Variants in EPCAM observed in about 807,000 individuals in gnomAD.
EPCAM encodes the protein epithelial cell adhesion molecule.
Under a neutral mutation model 40.0 loss-of-function variants are expected in EPCAM, and 39 were observed. The ratio of observed to expected loss-of-function variants is 0.98; its 90% CI spans 0.76 to 1.27. The LOEUF (loss-of-function observed/expected upper bound fraction) is 1.27. EPCAM is among the 50% of genes most tolerant of loss of function. EPCAM has a pLI of 0.00. For synonymous variants in EPCAM, 168 were observed against 132.3 expected, an observed-to-expected ratio of 1.27 and a Z score of -1.85; for missense variants, 503 against 381.2, an observed-to-expected ratio of 1.32 and a Z score of -2.66.
At position 47,373,774 on chromosome 2, in the gene EPCAM, ATTTTTCAGTTTGGCATTAAGGTTTC is replaced by A; in HGVS notation, c.185-24_185del. ...TTTTCCCGTAATCATGAAATCAGTT[ATTTTTCAGTTTGGCATTAAGGTTTC>A]TTTTTCAGTGGCTGCCAAATGTTTG... On this transcript the variant is annotated splice_polypyrimidine_tract_variant and intron_variant, in intron 2 of 8. Coordinates refer to ENST00000263735, the MANE Select transcript of EPCAM (RefSeq NM_002354.3). 6.2e-7 allele frequency: 1 copy of A among 1,613,542 alleles called. No homozygotes were observed. Among genetic ancestry groups the A allele is most frequent in the Non-Finnish European group, 8.5e-7 (1 of 1,179,790 alleles).
chr2:47,377,067 C>A lies in EPCAM; in HGVS notation c.545C>A (p.Thr182Lys), dbSNP rs1244875384. 1 of 1,601,810 alleles carries A rather than the reference C, an allele frequency of 6.2e-7. No homozygotes were observed. The highest frequency in any genetic ancestry group is 8.6e-7 in the Non-Finnish European group (1 of 1,168,922). The part of the protein sequence containing the change: ...TRYQLDPKFI[T>K]SILYENNVIT... ...TATCAACTGGATCCAAAATTTATCA[C>A]GAGTATTTTGGTATGATTTTTTAAT... is the stretch of plus-strand genomic sequence containing the variant. Residue 182 changes from threonine (T) to lysine (K), a missense_variant, in exon 5 of 9, where the codon ACG becomes AAG. Physicochemically the swap from Thr to Lys is moderately conservative, Grantham distance 78. Transcript: ENST00000263735.
chr2:47,386,572 A>T lies in EPCAM; in HGVS notation c.904A>T (p.Ile302Leu), dbSNP rs1373578863. ...KRMAKYEKAE[I>L]KEMGEMHREL... is the part of the protein sequence containing the mutation. ...TTTTCTGTGCTTTTTCCTGTTTCAG[A>T]TAAAGGAGATGGGTGAGATGCATAG... Residue 302 changes from isoleucine to leucine, a missense_variant and splice_region_variant, in exon 9 of 9, where the codon ATA becomes TTA. Ile to Leu is a conservative substitution (Grantham distance 5). Transcript: ENST00000263735. 2 of 1,603,362 alleles carry T rather than the reference A, an allele frequency of 1.2e-6. No homozygotes were observed. The highest frequency in any genetic ancestry group is 2.2e-5 in the South Asian group (2 of 89,454).
chr2:47,371,211 T>TGATTTCAG (rs1671254393), intron 1 of EPCAM, among the ~76,000 whole-genome samples: 1 of 152,158 alleles, frequency 6.6e-6, no homozygotes, highest in Non-Finnish European at 1.5e-5. Context: ...ACATGTAGTT[T>TGATTTCAG]GATTTCAGTT....
chr2:47,383,901 T>TGATTATAG (rs1367265885), intron 7 of EPCAM, among the ~76,000 whole-genome samples: 1 of 151,908 alleles, frequency 6.6e-6, no homozygotes, highest in Admixed American at 6.6e-5. Flanking sequence ...CCTCCCAAAG[T>TGATTATAG]GCTGTGATTA....
rs944996305 is a variant in EPCAM at position 47,386,684 on chromosome 2, G to A, written c.*71G>A. The A allele has an allele frequency of 8.6e-7, 1 of 1,168,626 alleles. No homozygotes were observed. The highest frequency in any genetic ancestry group is 1.7e-5 in the Admixed American group (1 of 58,338). The allele number at this position is 1,168,626 out of a possible 1,614,324, so 72.4% of individuals were successfully genotyped here. ...ACAAATTACAAATGTGTGTGCGTGGGACGAAGACATCTTTGAAGGTCATGA... is the reference window on the plus strand; with the variant it reads ...ACAAATTACAAATGTGTGTGCGTGGAACGAAGACATCTTTGAAGGTCATGA... On this transcript the variant is annotated 3_prime_UTR_variant, in exon 9 of 9. Transcript: ENST00000263735.
intron 8 of EPCAM, 132 bp downstream of exon 8, chr2:47,385,342 G>A: frequency 1.3e-6 from 1 of 771,316 alleles, no homozygotes; most frequent in Non-Finnish European, 2.3e-6. Flanking sequence ...GGGTCTTAGG[G>A]ACAGTCTTAG....
intron 5 of EPCAM, among the ~76,000 whole-genome samples, chr2:47,378,185 T>C (rs867276740): frequency 6.6e-6 from 1 of 152,106 alleles, no homozygotes; most frequent in Non-Finnish European, 1.5e-5. Flanking sequence ...TCAGCTGAGA[T>C]TGTGCCACTG....
Position 47,373,816 on chromosome 2 carries a change from A to G in EPCAM, c.193A>G (p.Lys65Glu), listed in dbSNP as rs767869354. The G allele has an allele frequency of 6.2e-7, 1 of 1,614,048 alleles. No homozygotes were observed. The highest frequency in any genetic ancestry group is 8.5e-7 in the Non-Finnish European group (1 of 1,180,028). The change falls in exon 3 of 9, where the codon AAA (lysine) becomes GAA (glutamate). Residue 65 changes from lysine (K) to glutamate (E), a missense_variant. Coordinates refer to ENST00000263735, the MANE Select transcript of EPCAM (RefSeq NM_002354.3). ...TAAGGTTTCTTTTTCAGTGGCTGCC[A>G]AATGTTTGGTGATGAAGGCAGAAAT... ...NTVICSKLAA[K>E]CLVMKAEMNG...
chr2:47,375,337 G>C (rs1309528888), intron 4 of EPCAM, 38 bp downstream of exon 4: 3 of 1,358,592 alleles, frequency 2.2e-6, no homozygotes, highest in South Asian at 1.2e-5. Context: ...TTGCACAGTT[G>C]GTGGCTCAAA....
intron 7 of EPCAM, among the ~76,000 whole-genome samples, chr2:47,382,745 A>T (rs894013425): frequency 3.3e-5 from 5 of 152,178 alleles, no homozygotes; most frequent in Non-Finnish European, 7.4e-5. Flanking sequence ...AGTGTGTATC[A>T]GTAAGAGAGT....
At chr2:47,379,100 C>G (rs1488754119) in intron 6 of EPCAM, 46 bp downstream of exon 6, 6 of 997,058 alleles carry the variant, frequency 6.0e-6, no homozygotes, top group Non-Finnish European at 9.7e-6. Context: ...TGTAGTCTAT[C>G]ATGCCTCAAT....
At chr2:47,378,827 AG>A in intron 5 of EPCAM, 125 bp from the exon 6 acceptor site, 1 of 628,720 alleles carries the variant, frequency 1.6e-6, no homozygotes. Context: ...ACTAATGGAA[AG>A]GAACAGTGAT....
chr2:47,385,254 C>G (rs373114705), intron 8 of EPCAM, 44 bp downstream of exon 8: 16 of 1,476,202 alleles, frequency 1.1e-5, no homozygotes, highest in Admixed American at 8.4e-5. Context: ...TGTTGAATCT[C>G]TTACTCCTAA....
chr2:47,385,029 A>G (rs1024540653), intron 7 of EPCAM, 137 bp from the exon 8 acceptor site: 4 of 730,894 alleles, frequency 5.5e-6, no homozygotes, highest in African/African-American at 5.3e-5. Context: ...TTAAGAAGCA[A>G]TAAATGTTTA....
intron 1 of EPCAM, chr2:47,369,818 A>G: frequency 4.5e-6 from 3 of 659,820 alleles, no homozygotes; most frequent in Non-Finnish European, 8.7e-6. Context: ...TGGTAGGGAA[A>G]TGGCCTTGGG....
rs1461584880 is a variant in EPCAM, at chr2:47,373,846, G to A, written c.223G>A (p.Gly75Ser). ...KCLVMKAEMN[G>S]SKLGRRAKPE... ...TTTGGTGATGAAGGCAGAAATGAAT[G>A]GCTCAAAACTTGGGAGAAGAGCAAA... Residue 75 changes from glycine (G) to serine (S), a missense_variant, in exon 3 of 9, where the codon GGC becomes AGC. Gly to Ser is a moderately conservative substitution (Grantham distance 56). Transcript: ENST00000263735. 1 of 1,614,044 alleles carries A rather than the reference G, an allele frequency of 6.2e-7. No homozygotes were observed. Among genetic ancestry groups the A allele is most frequent in the African/African-American group, 1.3e-5 (1 of 74,984 alleles).
At chr2:47,377,167 T>G in intron 5 of EPCAM, 90 bp downstream of exon 5, 1 of 858,242 alleles carries the variant, frequency 1.2e-6, no homozygotes. Flanking sequence ...AAGTGGTGGT[T>G]AAATGCACTT....
In EPCAM at chr2:47,371,515, T is replaced by A. The variant is rs183554767; in HGVS notation, c.76+1934T>A. ...GGCTTTTACACTTTCACCAATGGAG[T>A]GGCCTAAATTCAGTAATTATACTCT... On this transcript the variant is annotated intron_variant, in intron 1 of 8. Transcript: ENST00000263735. Among the ~76,000 whole-genome samples the A allele has an allele frequency of 2.0e-5, 3 of 152,304 alleles. No individual in the cohort carries two copies. In the East Asian group the frequency reaches 5.8e-4, roughly 29 times the overall value.
At position 47,383,907 on chromosome 2, in the gene EPCAM, G is replaced by A. The variant is rs1270352061; in HGVS notation, c.859-1259G>A. On this transcript the variant is annotated intron_variant, in intron 7 of 8. Transcript: ENST00000263735. Reference sequence around the variant, plus strand: ...TCACTTCGGCCTCCCAAAGTGCTGTGATTATAGGCGTGAACCACCATGCCT... The same window carrying A: ...TCACTTCGGCCTCCCAAAGTGCTGTAATTATAGGCGTGAACCACCATGCCT... 3.9e-5 allele frequency among the ~76,000 whole-genome samples: 6 copies of A among 151,978 alleles called. 1 individual carries two copies. The South Asian group carries it at 8.3e-4, about 21-fold the overall frequency.
Sources: gnomAD v4.1 joint callset for allele counts (sites outside exome capture counted in the v4.1 genomes callset) on GRCh38, gnomAD v4.1.1 for gene constraint, MANE v1.5 for transcripts, NCBI Gene and HGNC (gene_info 2026-07-23, HGNC 2026-07-21) for gene names.